TMEM266: variants seen among roughly 807,000 people sequenced by gnomAD.
The protein encoded by TMEM266 is transmembrane protein 266, also known as Hv1 related protein 1.
A neutral mutation model predicts 50.5 loss-of-function variants in TMEM266; 33 were observed. The observed-to-expected ratio is 0.65, with a 90% confidence interval of 0.50 to 0.87. The LOEUF (loss-of-function observed/expected upper bound fraction) is 0.87. Among genes scored for constraint, TMEM266 ranks in the 40% least tolerant of loss-of-function variants. The probability of loss-of-function intolerance (pLI) is 0.00; values close to 1 mark genes in which losing one functional copy is unlikely to be tolerated. For synonymous variants in TMEM266, 310 were observed against 292.3 expected, an observed-to-expected ratio of 1.06 and a Z score of -0.62; for missense variants, 655 against 695.1, an observed-to-expected ratio of 0.94 and a Z score of 0.65.
intron 1 of TMEM266, among the ~76,000 whole-genome samples, chr15:76,103,193 T>C (rs1382633513): frequency 6.6e-6 from 1 of 151,864 alleles, no homozygotes; most frequent in Non-Finnish European, 1.5e-5. Flanking sequence ...CGCTAACAGA[T>C]CGGATGTGGG....
At chr15:76,094,202 C>T (rs1007402813) in intron 1 of TMEM266, among the ~76,000 whole-genome samples, 1 of 152,052 alleles carries the variant, frequency 6.6e-6, no homozygotes, top group Non-Finnish European at 1.5e-5. Flanking sequence ...TGCCTATGTC[C>T]TAAATGGTAT....
intron 1 of TMEM266, among the ~76,000 whole-genome samples, chr15:76,065,894 C>T (rs1306237312): frequency 6.6e-6 from 1 of 152,100 alleles, no homozygotes; most frequent in Non-Finnish European, 1.5e-5. Context: ...CGCGCACTCC[C>T]CACTCAACCA....
chr15:76,112,911 A>C (rs2037193717), intron 1 of TMEM266: 1 of 152,252 alleles, frequency 6.6e-6, no homozygotes, highest in Admixed American at 6.5e-5. Flanking sequence ...TGGGCAAGAG[A>C]GAGAGGAAAT....
Position 76,204,050 on chromosome 15 carries a change from T to C in TMEM266, c.1331T>C (p.Leu444Pro). The stretch of plus-strand genomic sequence containing the variant: ...GAGGAGGCCACAGTCCAGGACCTGC[T>C]GTCCTCCCTGTCGGAGGACCCCTGC... Residue 444 changes from leucine to proline, a missense_variant, in exon 11 of 11, where the codon CTG becomes CCG. By Grantham distance (98) the Leu-to-Pro change is moderately conservative. Around this residue, in one of 3 missense-constraint regions of TMEM266, gnomAD observed 455 missense variants for 401.8 expected, o/e 1.13. Transcript: ENST00000388942. The C allele has an allele frequency of 1.9e-6, 3 of 1,612,182 alleles. No homozygotes were observed. Among genetic ancestry groups the C allele is most frequent in the Non-Finnish European group, 2.5e-6 (3 of 1,179,098 alleles).
intron 8 of TMEM266, among the ~76,000 whole-genome samples, chr15:76,189,251 GGGAAGTAAGGAAGGGAGGAA>G (rs2038531719): frequency 1.3e-5 from 2 of 150,494 alleles, no homozygotes; most frequent in African/African-American, 4.9e-5. Context: ...AAGGGAAGGA[GGGAAGTAAGGAAGGGAGGAA>G]GGGAGGAAGG....
At chr15:76,140,806 G>A (rs1434717252) in intron 3 of TMEM266, among the ~76,000 whole-genome samples, 3 of 151,410 alleles carry the variant, frequency 2.0e-5, no homozygotes, top group African/African-American at 7.3e-5. Context: ...AGGCTGAGGT[G>A]AGAGGATCAC....
At chr15:76,104,330 A>G (rs1051253293) in intron 1 of TMEM266, among the ~76,000 whole-genome samples, 8 of 152,212 alleles carry the variant, frequency 5.3e-5, no homozygotes, top group African/African-American at 1.7e-4. Flanking sequence ...ATAAACTGTA[A>G]AATTCAGTCC....
intron 7 of TMEM266, among the ~76,000 whole-genome samples, chr15:76,174,245 C>T (rs1314823323): frequency 2.0e-5 from 3 of 152,070 alleles, no homozygotes; most frequent in Admixed American, 2.0e-4. Context: ...GCCGTAAAAT[C>T]CACCCATTTA....
intron 6 of TMEM266, 86 bp from the exon 7 acceptor site, chr15:76,170,907 G>A (rs547275304): frequency 2.8e-5 from 41 of 1,478,688 alleles, no homozygotes; most frequent in Non-Finnish European, 1.1e-5. Context: ...GGAAAAGTTG[G>A]GCAGCACCAG....
At chr15:76,087,065 C>A (rs2036788188) in intron 1 of TMEM266, among the ~76,000 whole-genome samples, 1 of 152,098 alleles carries the variant, frequency 6.6e-6, no homozygotes, top group Non-Finnish European at 1.5e-5. Context: ...GCCTCCAGTC[C>A]CTCTTCTGCC....
Position 76,204,209 on chromosome 15 carries a change from A to G in TMEM266, c.1490A>G (p.Gln497Arg). The change falls in exon 11 of 11, where the codon CAG becomes CGG. Residue 497 changes from glutamine (Q) to arginine (R), a missense_variant. Around this residue, in one of 3 missense-constraint regions of TMEM266, gnomAD observed 455 missense variants for 401.8 expected, o/e 1.13. Coordinates refer to ENST00000388942, the MANE Select transcript of TMEM266 (RefSeq NM_152335.3). ...AACCAGGAGGGCTTCACTGTCTTTC[A>G]GATCAGGCCTGTCATCCACTTCCAG... ...VFQIRPVIHF[Q>R]PTVPMLEDKF... is the part of the protein sequence containing the mutation. 6.2e-7 allele frequency: 1 copy of G among 1,613,984 alleles called. No homozygotes were observed. The highest frequency in any genetic ancestry group is 1.1e-5 in the South Asian group (1 of 91,084).
intron 3 of TMEM266, among the ~76,000 whole-genome samples, chr15:76,147,925 C>T (rs1249740885): frequency 6.6e-6 from 1 of 152,204 alleles, no homozygotes; most frequent in Non-Finnish European, 1.5e-5. Context: ...CTCAGGATTG[C>T]ACCAGTGCAC....
intron 3 of TMEM266, among the ~76,000 whole-genome samples, chr15:76,141,253 T>G (rs2037672273): frequency 6.9e-6 from 1 of 145,540 alleles, no homozygotes; most frequent in South Asian, 2.1e-4. Context: ...TTTTTTTTTT[T>G]GAGACAAAGT....
At chr15:76,114,627 C>T (rs1198801342) in intron 1 of TMEM266, among the ~76,000 whole-genome samples, 1 of 152,158 alleles carries the variant, frequency 6.6e-6, no homozygotes, top group East Asian at 1.9e-4. Flanking sequence ...TTTCAAATTA[C>T]TGTATAGTGG....
At chr15:76,089,692 A>T (rs148176015) in intron 1 of TMEM266, among the ~76,000 whole-genome samples, 6 of 152,256 alleles carry the variant, frequency 3.9e-5, no homozygotes, top group African/African-American at 1.4e-4. Context: ...TTTTGGGATG[A>T]TCACTAATTG....
At chr15:76,132,131 T>TG (rs1404305417) in intron 1 of TMEM266, among the ~76,000 whole-genome samples, 2 of 149,822 alleles carry the variant, frequency 1.3e-5, no homozygotes, top group East Asian at 4.0e-4. Flanking sequence ...TTTTTTGAGA[T>TG]GGAGTCTCGC....
chr15:76,148,111 T>C (rs1365823597), intron 3 of TMEM266, among the ~76,000 whole-genome samples: 2 of 152,196 alleles, frequency 1.3e-5, no homozygotes, highest in Non-Finnish European at 2.9e-5. Flanking sequence ...GCGGAGCGCC[T>C]CCGACCACCT....
intron 1 of TMEM266, among the ~76,000 whole-genome samples, chr15:76,063,594 C>T (rs1245015109): frequency 8.5e-5 from 13 of 152,158 alleles, no homozygotes; most frequent in African/African-American, 3.1e-4. Flanking sequence ...GCATCCTTTC[C>T]TCCTCCCTGT....
chr15:76,201,757 G>A (rs1356778162), intron 9 of TMEM266, among the ~76,000 whole-genome samples: 1 of 152,196 alleles, frequency 6.6e-6, no homozygotes, highest in Non-Finnish European at 1.5e-5. Context: ...CTATCTGGAT[G>A]GCACCTCAGC....
Sources: allele counts gnomAD v4.1 joint callset (sites outside exome capture counted in the v4.1 genomes callset), GRCh38; gene constraint gnomAD v4.1.1; regional missense constraint gnomAD v4.1.1; transcripts MANE v1.5; gene names NCBI Gene and HGNC (gene_info 2026-07-23, HGNC 2026-07-21).